Variants in UACA observed in about 807,000 individuals in gnomAD.
UACA encodes the protein uveal autoantigen with coiled-coil domains and ankyrin repeats.
Under a neutral mutation model 160.5 loss-of-function variants are expected in UACA, and 112 were observed. The ratio of observed to expected loss-of-function variants is 0.70; its 90% CI spans 0.60 to 0.82. The LOEUF (loss-of-function observed/expected upper bound fraction) is 0.82. UACA is among the 40% of genes least tolerant of loss of function. The probability of loss-of-function intolerance (pLI) is 0.00; values close to 1 mark genes in which losing one functional copy is unlikely to be tolerated. For missense variants in UACA, 1,574 were observed against 1,614.6 expected (o/e 0.97, Z 0.43); for synonymous variants, 557 against 568.4 (o/e 0.98, Z 0.29).
intron 1 of UACA, among the ~76,000 whole-genome samples, chr15:70,762,714 T>C (rs1161273086): frequency 6.6e-6 from 1 of 152,224 alleles, no homozygotes; most frequent in Non-Finnish European, 1.5e-5. Flanking sequence ...CTGTGGGGTT[T>C]TGTCTTTACG....
chr15:70,703,451 C>T (rs1207740400), intron 1 of UACA, among the ~76,000 whole-genome samples: 4 of 151,976 alleles, frequency 2.6e-5, no homozygotes, highest in Admixed American at 6.6e-5. Context: ...GGTCATATAC[C>T]ATATCTCATT....
At chr15:70,760,925 A>G (rs919424835) in intron 1 of UACA, among the ~76,000 whole-genome samples, 2 of 152,218 alleles carry the variant, frequency 1.3e-5, no homozygotes, top group Non-Finnish European at 2.9e-5. Flanking sequence ...AACATTTCTC[A>G]TATGCTGGTT....
At chr15:70,703,064 C>A in intron 1 of UACA, 1 of 1,277,650 alleles carries the variant, frequency 7.8e-7, no homozygotes, top group Non-Finnish European at 1.0e-6. Flanking sequence ...TTAAAAAAAT[C>A]TCCATTTGGG....
At chr15:70,735,476 A>T (rs1658264858) in intron 1 of UACA, among the ~76,000 whole-genome samples, 1 of 152,116 alleles carries the variant, frequency 6.6e-6, no homozygotes, top group African/African-American at 2.4e-5. Flanking sequence ...AACTATTTTA[A>T]GGAGTCTGAA....
intron 1 of UACA, among the ~76,000 whole-genome samples, chr15:70,700,469 G>C (rs1045387468): frequency 6.6e-6 from 1 of 151,480 alleles, no homozygotes; most frequent in East Asian, 1.9e-4. Flanking sequence ...AAGATTACAA[G>C]TTACTTTCAT....
At chr15:70,682,945 C>T (rs1187187260) in intron 8 of UACA, 150 bp from the exon 9 acceptor site, 7 of 458,762 alleles carry the variant, frequency 1.5e-5, no homozygotes, top group Admixed American at 4.4e-5. Flanking sequence ...ATTTCTAAAA[C>T]GTATGCTTGA....
At chr15:70,703,733 T>C (rs535777205) in intron 1 of UACA, among the ~76,000 whole-genome samples, 19 of 149,768 alleles carry the variant, frequency 1.3e-4, no homozygotes, top group Non-Finnish European at 2.6e-4. Flanking sequence ...CCTAGTATTA[T>C]GGATGTCCTG....
chr15:70,771,321 G>A, the UACA span, among the ~76,000 whole-genome samples: 6 of 152,316 alleles, frequency 3.9e-5, 1 homozygote, highest in South Asian at 1.2e-3. Flanking sequence ...ACAAAAAATA[G>A]AAACTGACAG....
At chr15:70,709,453 T>G (rs1299269393) in intron 1 of UACA, among the ~76,000 whole-genome samples, 1 of 152,244 alleles carries the variant, frequency 6.6e-6, no homozygotes, top group Non-Finnish European at 1.5e-5. Flanking sequence ...ACATTGACTC[T>G]CATATTAATA....
At chr15:70,679,352 G>A (rs548376254) in intron 10 of UACA, among the ~76,000 whole-genome samples, 3 of 151,584 alleles carry the variant, frequency 2.0e-5, no homozygotes, top group East Asian at 1.9e-4. Flanking sequence ...GCAGTGAGCC[G>A]AGATCATGCC....
At chr15:70,746,997 A>AG (rs1899725928) in intron 1 of UACA, among the ~76,000 whole-genome samples, 1 of 152,092 alleles carries the variant, frequency 6.6e-6, no homozygotes, top group South Asian at 2.1e-4. Context: ...GTGGCAGGCA[A>AG]GGGGAAGGCT....
At chr15:70,698,858 A>G (rs1381425157) in intron 2 of UACA, among the ~76,000 whole-genome samples, 1 of 152,136 alleles carries the variant, frequency 6.6e-6, no homozygotes, top group Non-Finnish European at 1.5e-5. Flanking sequence ...ACCTACAACA[A>G]GAAGGAAAAT....
intron 3 of UACA, among the ~76,000 whole-genome samples, chr15:70,694,386 C>T (rs1031852358): frequency 3.3e-5 from 5 of 151,900 alleles, no homozygotes; most frequent in African/African-American, 7.2e-5. Context: ...AAATATATTT[C>T]GATTCTCTAT....
At chr15:70,721,621 C>T (rs910389717) in intron 1 of UACA, among the ~76,000 whole-genome samples, 7 of 142,926 alleles carry the variant, frequency 4.9e-5, no homozygotes, top group African/African-American at 1.9e-4. Context: ...AGCGAGACTC[C>T]ATCTTAAAAA....
chr15:70,667,935 G>C lies in UACA; in HGVS notation c.2749C>G (p.Gln917Glu), dbSNP rs201393156. The C allele has an allele frequency of 6.5e-5, 104 of 1,612,376 alleles. No individual in the cohort carries two copies. Among genetic ancestry groups the C allele is most frequent in the Non-Finnish European group, 1.6e-5 (19 of 1,179,514 alleles). The change falls in exon 16 of 19, where the codon CAA becomes GAA. Residue 917 changes from glutamine (Q) to glutamate (E), a missense_variant. Gln to Glu is a conservative substitution (Grantham distance 29). Coordinates refer to ENST00000322954, the MANE Select transcript of UACA (RefSeq NM_018003.4). ...AGGCTGATGTACTCAGCTTTTATTT[G>C]GTTCTGAGTGTTTTCCAGGTTTCTT... ...LKRNLENTQNQIKAEYISLAE... is the reference protein window; with the variant it reads ...LKRNLENTQNEIKAEYISLAE...
At chr15:70,707,986 G>T (rs374831043) in intron 1 of UACA, among the ~76,000 whole-genome samples, 1 of 152,164 alleles carries the variant, frequency 6.6e-6, no homozygotes, top group East Asian at 1.9e-4. Flanking sequence ...ATTCATAGTA[G>T]CATTATTTAT....
At chr15:70,686,483 T>C (rs1464626705) in intron 7 of UACA, among the ~76,000 whole-genome samples, 1 of 107,324 alleles carries the variant, frequency 9.3e-6, no homozygotes, top group Non-Finnish European at 2.0e-5. Flanking sequence ...AAGCCAGGGT[T>C]CTTTTTTTTT....
rs4776525 is a variant in UACA at position 70,699,586 on chromosome 15, G to T, written c.153C>A (p.Thr51=). Residue 51 remains threonine (T), a synonymous_variant, in exon 2 of 19, where the codon ACC becomes ACA. Coordinates refer to ENST00000322954, the MANE Select transcript of UACA (RefSeq NM_018003.4). ...TGACCCCCTTTTTAGCAAGGATTGAGGTCACTTTTTCTACATCCCCCCTTT... is the reference window on the plus strand; with the variant it reads ...TGACCCCCTTTTTAGCAAGGATTGATGTCACTTTTTCTACATCCCCCCTTT... The part of the protein sequence containing the change: ...AAERGDVEKV[T]SILAKKGVNP... 1.1e-5 allele frequency: 17 copies of T among 1,609,026 alleles called. No individual in the cohort carries two copies. The highest frequency in any genetic ancestry group is 1.7e-5 in the Admixed American group (1 of 59,118).
intron 18 of UACA, among the ~76,000 whole-genome samples, chr15:70,659,395 G>GTTTTTTTCTTTTTTTTTTTTTTTTTTT (rs1896607949): frequency 5.3e-5 from 1 of 18,818 alleles, no homozygotes; most frequent in Non-Finnish European, 9.6e-5. Flanking sequence ...TTTTTTGTTT[G>GTTTTTTTCTTTTTTTTTTTTTTTTTTT]TTTTTTTTTT....
Sources: gnomAD v4.1 joint callset for allele counts (sites outside exome capture counted in the v4.1 genomes callset) on GRCh38, gnomAD v4.1.1 for gene constraint, MANE v1.5 for transcripts, NCBI Gene and HGNC (gene_info 2026-07-23, HGNC 2026-07-21) for gene names.